Variants in LRP11 observed in about 807,000 individuals in gnomAD.
LRP11 encodes low-density lipoprotein receptor-related protein 11.
LRP11 carries 25 observed loss-of-function variants against 43.1 expected under a neutral mutation model. The observed-to-expected ratio is 0.58, with a 90% CI of 0.42 to 0.81. LRP11 has a LOEUF of 0.81. Ranked by LOEUF, LRP11 falls within the 30% of genes least tolerant of loss-of-function variation. The pLI, the probability that LRP11 is intolerant of heterozygous loss-of-function variation, is 0.00. For synonymous variants in LRP11, 316 were observed against 299.4 expected (o/e 1.06, Z -0.57); for missense variants, 623 against 665.1 (o/e 0.94, Z 0.70).
rs986093457 is a variant in LRP11 at position 149,852,900 on chromosome 6, T to C, written c.771+103A>G. ...TTTATACAGTCTCCATTTTATGCCT[T>C]CTGCTAGCGTACAGACATTTAGGGA... is the stretch of plus-strand genomic sequence containing the variant. On this transcript the variant is annotated intron_variant, in intron 2 of 6. Transcript: ENST00000239367. 3.9e-6 allele frequency: 4 copies of C among 1,037,006 alleles called. No homozygotes were observed. The Admixed American group carries it at 1.2e-4, about 31-fold the overall frequency. The allele number at this position is 1,037,006 out of a possible 1,614,324, so 64.2% of individuals were successfully genotyped here.
At position 149,863,762 on chromosome 6, in the gene LRP11, C is replaced by G; in HGVS notation, c.259G>C (p.Glu87Gln). ...CCGCTGCCCGGGCCCGGGCAGTCCT[C>G]CTGGGGGCCGCCGCCCGCGCGCAGC... ...LELRAGGGPQ[E>Q]DCPGPGSGGY... The change falls in exon 1 of 7, where the codon GAG becomes CAG. Residue 87 changes from glutamate to glutamine, a missense_variant. Coordinates refer to ENST00000239367, the MANE Select transcript of LRP11 (RefSeq NM_032832.6). The G allele has an allele frequency of 6.8e-7, 1 of 1,478,740 alleles. No individual in the cohort carries two copies. The highest frequency in any genetic ancestry group is 1.3e-5 in the South Asian group (1 of 78,402). 91.6% of individuals were successfully genotyped at this position (1,478,740 alleles called of 1,614,324 possible). A position where few individuals can be genotyped will look rare whatever the true frequency, so the allele number is the denominator to read the frequency against.
Position 149,819,500 on chromosome 6 carries a change from T to A in LRP11, c.*1049A>T, listed in dbSNP as rs995242883. 8 of 152,594 alleles carry A rather than the reference T, an allele frequency of 5.2e-5. No individual in the cohort carries two copies. The South Asian group carries it at 1.5e-3, about 28-fold the overall frequency. The allele number at this position is 152,594 out of a possible 1,614,324, so 9.5% of individuals were successfully genotyped here. A position where few individuals can be genotyped will look rare whatever the true frequency, so the allele number is the denominator to read the frequency against. On this transcript the variant is annotated 3_prime_UTR_variant, in exon 7 of 7. Transcript: ENST00000239367. ...ATGCTGGTTTTCTGTAAAGATGAAT[T>A]TGTGAAAAACTGCTTTATGGTCTAG...
rs3763162 is a variant in LRP11, at chr6:149,819,674, C to T, written c.*875G>A. 80,279 of 152,116 alleles carry T rather than the reference C, an allele frequency of 0.53. 24,170 individuals carry two copies. The highest frequency in any genetic ancestry group is 0.83 in the East Asian group (4,310 of 5,170). 9.4% of individuals were successfully genotyped at this position (152,116 alleles called of 1,614,324 possible). A position where few individuals can be genotyped will look rare whatever the true frequency, so the allele number is the denominator to read the frequency against. ...CACTCAACGTCCTCTCTTCAATTGT[C>T]GTTTTTCATCAACAAAGCCTATATA... On this transcript the variant is annotated 3_prime_UTR_variant, in exon 7 of 7. Transcript: ENST00000239367.
At chr6:149,860,008 T>C (rs902889587) in intron 1 of LRP11, among the ~76,000 whole-genome samples, 3 of 152,220 alleles carry the variant, frequency 2.0e-5, no homozygotes, top group African/African-American at 7.2e-5. Flanking sequence ...GTTATCTTAC[T>C]ATTATTTATT....
chr6:149,852,939 G>A, intron 2 of LRP11, 64 bp downstream of exon 2: 2 of 1,405,426 alleles, frequency 1.4e-6, no homozygotes, highest in African/African-American at 1.4e-5. Context: ...TGAAGTGGCA[G>A]GACATTACAA....
At chr6:149,825,700 G>A (rs1413663096) in intron 6 of LRP11, among the ~76,000 whole-genome samples, 1 of 150,186 alleles carries the variant, frequency 6.7e-6, no homozygotes, top group Non-Finnish European at 1.5e-5. Context: ...CTGTCACCCA[G>A]GCTGGAGTGC....
At chr6:149,859,530 G>A (rs2115423355) in intron 1 of LRP11, among the ~76,000 whole-genome samples, 1 of 150,824 alleles carries the variant, frequency 6.6e-6, no homozygotes, top group South Asian at 2.1e-4. Context: ...CCAGTAGCTA[G>A]GACTACAGGC....
At chr6:149,822,069 C>G (rs1178419194) in intron 6 of LRP11, among the ~76,000 whole-genome samples, 2 of 152,150 alleles carry the variant, frequency 1.3e-5, no homozygotes, top group Non-Finnish European at 2.9e-5. Flanking sequence ...AAGTGAGGGC[C>G]AGGCACGGTG....
rs1356022439 is a variant in LRP11 at position 149,863,825 on chromosome 6, G to A, written c.196C>T (p.Leu66=). 5 of 1,510,260 alleles carry A rather than the reference G, an allele frequency of 3.3e-6. No individual in the cohort carries two copies. In the South Asian group the frequency reaches 3.7e-5, roughly 11 times the overall value. 93.6% of individuals were successfully genotyped at this position (1,510,260 alleles called of 1,614,324 possible). The part of the protein sequence containing the change: ...EQLLEEFRRQ[L]QQERPQEELE... ...TCCTCCTGAGGCCGCTCCTGCTGCA[G>A]TTGCCGGCGGAACTCCTCCAGCAGC... Residue 66 remains leucine (L), a synonymous_variant, in exon 1 of 7, where the codon CTG becomes TTG. Coordinates refer to ENST00000239367, the MANE Select transcript of LRP11 (RefSeq NM_032832.6).
intron 6 of LRP11, among the ~76,000 whole-genome samples, chr6:149,823,694 C>A (rs1776304796): frequency 6.6e-6 from 1 of 152,140 alleles, no homozygotes; most frequent in Non-Finnish European, 1.5e-5. Flanking sequence ...AACTCCTGAA[C>A]AAGATTCTCA....
At position 149,826,294 on chromosome 6, in the gene LRP11, C is replaced by G; in HGVS notation, c.1318G>C (p.Gly440Arg). 1 of 1,613,748 alleles carries G rather than the reference C, an allele frequency of 6.2e-7. No individual in the cohort carries two copies. Among genetic ancestry groups the G allele is most frequent in the Non-Finnish European group, 8.5e-7 (1 of 1,179,628 alleles). ...SYIFESKGDG[G>R]GGEHPAPETG... is the part of the protein sequence containing the mutation. Reference sequence around the variant, plus strand: ...TCTGGGGCTGGGTGTTCCCCTCCTCCTCCATCACCCTTTGACTCAAATATA... The same window carrying G: ...TCTGGGGCTGGGTGTTCCCCTCCTCGTCCATCACCCTTTGACTCAAATATA... The change falls in exon 6 of 7, where the codon GGA (glycine) becomes CGA (arginine). Residue 440 changes from glycine (G) to arginine (R), a missense_variant. Transcript: ENST00000239367.
rs1307228335 is a variant in LRP11 at position 149,819,643 on chromosome 6, GGAATCCACTC to G, written c.*896_*905del. On this transcript the variant is annotated 3_prime_UTR_variant, in exon 7 of 7. Coordinates refer to ENST00000239367, the MANE Select transcript of LRP11 (RefSeq NM_032832.6). The stretch of plus-strand genomic sequence containing the variant: ...GACATTTTTACAAAAGCTGTACCCA[GGAATCCACTC>G]AACGTCCTCTCTTCAATTGTCGTTT... 1 of 152,544 alleles carries G rather than the reference GGAATCCACTC, an allele frequency of 6.6e-6. No homozygotes were observed. The highest frequency in any genetic ancestry group is 1.9e-4 in the East Asian group (1 of 5,186). The allele number at this position is 152,544 out of a possible 1,614,324, so 9.4% of individuals were successfully genotyped here. A position where few individuals can be genotyped will look rare whatever the true frequency, so the allele number is the denominator to read the frequency against.
At chr6:149,837,543 G>A in intron 3 of LRP11, 80 bp from the exon 4 acceptor site, 2 of 1,445,784 alleles carry the variant, frequency 1.4e-6, no homozygotes, top group East Asian at 4.6e-5. Flanking sequence ...GGAGTCCGTG[G>A]GGATGATAAA....
At chr6:149,862,062 TG>T (rs1242434470) in intron 1 of LRP11, among the ~76,000 whole-genome samples, 1 of 152,142 alleles carries the variant, frequency 6.6e-6, no homozygotes, top group Admixed American at 6.5e-5. Context: ...GAGATGCTGA[TG>T]GGGGGTCCAA....
At chr6:149,855,696 CCTT>C (rs1316704330) in intron 1 of LRP11, among the ~76,000 whole-genome samples, 2 of 111,906 alleles carry the variant, frequency 1.8e-5, no homozygotes, top group Non-Finnish European at 3.4e-5. Context: ...AGGGAAGATG[CCTT>C]TTTTTTTTTT....
chr6:149,852,569 GC>G (rs1776736761), intron 2 of LRP11: 1 of 152,478 alleles, frequency 6.6e-6, no homozygotes, highest in Non-Finnish European at 1.5e-5. Context: ...TGCCAGGTAA[GC>G]TGTCTACTTT....
At chr6:149,824,367 G>A (rs1388416647) in intron 6 of LRP11, among the ~76,000 whole-genome samples, 2 of 152,162 alleles carry the variant, frequency 1.3e-5, no homozygotes, top group Admixed American at 6.5e-5. Flanking sequence ...TTTATGACAA[G>A]GAAAATGAAA....
intron 2 of LRP11, among the ~76,000 whole-genome samples, chr6:149,843,958 A>T (rs1450073851): frequency 2.0e-5 from 3 of 152,172 alleles, no homozygotes; most frequent in East Asian, 1.9e-4. Context: ...TACTATTTTT[A>T]AAAAATCCAT....
intron 2 of LRP11, among the ~76,000 whole-genome samples, 175 bp from the exon 3 acceptor site, chr6:149,843,299 A>G (rs929620176): frequency 1.3e-5 from 2 of 152,200 alleles, no homozygotes; most frequent in Non-Finnish European, 2.9e-5. Flanking sequence ...CCTTGAACTC[A>G]TAAGTTCTAG....
Sources: gnomAD v4.1 joint callset for allele counts (sites outside exome capture counted in the v4.1 genomes callset) on GRCh38, gnomAD v4.1.1 for gene constraint, MANE v1.5 for transcripts, NCBI Gene and HGNC (gene_info 2026-07-23, HGNC 2026-07-21) for gene names.